TRDN: variants seen among roughly 807,000 people sequenced by gnomAD.
TRDN encodes triadin in skeletal muscle.
TRDN carries 161 observed loss-of-function variants against 149.7 expected under a neutral mutation model. The ratio of observed to expected loss-of-function variants is 1.08; its 90% CI spans 0.95 to 1.23. TRDN has a LOEUF of 1.23. Ranked by LOEUF, TRDN falls within the 50% of genes most tolerant of loss-of-function variation. The pLI is 0.00. For synonymous variants in TRDN, 294 were observed against 250.5 expected, an observed-to-expected ratio of 1.17 and a Z score of -1.64; for missense variants, 896 against 823.5, an observed-to-expected ratio of 1.09 and a Z score of -1.08.
chr6:123,434,850 T>A (rs1774487534), intron 12 of TRDN, among the ~76,000 whole-genome samples: 1 of 151,910 alleles, frequency 6.6e-6, no homozygotes, highest in African/African-American at 2.4e-5. Context: ...ATACACTAAA[T>A]AAAGGAGTGT....
At chr6:123,408,632 C>T (rs931226908) in intron 12 of TRDN, among the ~76,000 whole-genome samples, 1 of 151,050 alleles carries the variant, frequency 6.6e-6, no homozygotes, top group South Asian at 2.1e-4. Context: ...GAGCAGAGAT[C>T]GCGCCATTGC....
intron 21 of TRDN, chr6:123,351,690 C>G (rs1055853327): frequency 1.1e-6 from 1 of 938,236 alleles, no homozygotes; most frequent in Non-Finnish European, 1.3e-6. Context: ...ATCTTAACTT[C>G]TGATATTAGG....
intron 24 of TRDN, among the ~76,000 whole-genome samples, chr6:123,296,817 T>A (rs1014450647): frequency 2.0e-5 from 3 of 152,024 alleles, no homozygotes; most frequent in Admixed American, 6.6e-5. Flanking sequence ...ATGCTGAACA[T>A]CAGGGAAAGA....
chr6:123,624,453 G>C (rs1785549342), intron 1 of TRDN, among the ~76,000 whole-genome samples: 1 of 152,078 alleles, frequency 6.6e-6, no homozygotes, highest in Admixed American at 6.6e-5. Context: ...ATAACTCTCA[G>C]TCACTATGAA....
At chr6:123,630,502 C>T (rs1785931839) in intron 1 of TRDN, among the ~76,000 whole-genome samples, 1 of 151,814 alleles carries the variant, frequency 6.6e-6, no homozygotes, top group Admixed American at 6.6e-5. Context: ...ATTCCTAAGC[C>T]TTTAGTATAA....
intron 1 of TRDN, among the ~76,000 whole-genome samples, chr6:123,592,835 A>C (rs1783849513): frequency 6.6e-6 from 1 of 152,214 alleles, no homozygotes; most frequent in Non-Finnish European, 1.5e-5. Context: ...GCTCTGCAAG[A>C]TATCTGCCAT....
chr6:123,324,059 T>C (rs185274845), intron 23 of TRDN, among the ~76,000 whole-genome samples: 102 of 152,278 alleles, frequency 6.7e-4, no homozygotes, highest in African/African-American at 2.3e-3. Context: ...CTTTAAACCA[T>C]TCAATGAGTT....
intron 38 of TRDN, among the ~76,000 whole-genome samples, chr6:123,237,168 GAACT>G (rs1775815797): frequency 3.3e-5 from 2 of 60,686 alleles, no homozygotes; most frequent in Non-Finnish European, 6.5e-5. Context: ...TAGGTAACAC[GAACT>G]AATTTTTTTT....
chr6:123,545,641 A>G (rs1781075288), intron 4 of TRDN, among the ~76,000 whole-genome samples: 1 of 151,944 alleles, frequency 6.6e-6, no homozygotes, highest in Non-Finnish European at 1.5e-5. Context: ...CTGAGTATGT[A>G]ATCTTTAAGG....
chr6:123,249,018 C>T (rs1263253529), intron 38 of TRDN, among the ~76,000 whole-genome samples: 2 of 152,016 alleles, frequency 1.3e-5, no homozygotes, highest in African/African-American at 4.8e-5. Context: ...GATACTACAC[C>T]ATGACCAAGT....
intron 8 of TRDN, among the ~76,000 whole-genome samples, chr6:123,499,719 A>AAAAAAAAAAAAAAAAAAAATATAT: frequency 1.0e-4 from 5 of 47,678 alleles, no homozygotes; most frequent in Non-Finnish European, 9.0e-5. Context: ...AAAAAAAAAA[A>AAAAAAAAAAAAAAAAAAAATATAT]ATATATATAT....
chr6:123,218,725 A>G lies in TRDN; in HGVS notation c.2066T>C (p.Phe689Ser). ...PTKQKSPISF[F>S]QCVYLDGYNG... ...GTACCCATCCAAGTAGACACACTGG[A>G]AGAAACTGATGGGACCTAAGGAACA... Residue 689 changes from phenylalanine (F) to serine (S), a missense_variant, in exon 41 of 41, where the codon TTC becomes TCC. Phe to Ser is a radical substitution (Grantham distance 155). Coordinates refer to ENST00000334268, the MANE Select transcript of TRDN (RefSeq NM_006073.4). 1 of 1,576,084 alleles carries G rather than the reference A, an allele frequency of 6.3e-7. No homozygotes were observed. Among genetic ancestry groups the G allele is most frequent in the Non-Finnish European group, 8.6e-7 (1 of 1,158,372 alleles).
At chr6:123,310,510 T>G (rs1441098160) in intron 24 of TRDN, among the ~76,000 whole-genome samples, 1 of 152,038 alleles carries the variant, frequency 6.6e-6, no homozygotes, top group African/African-American at 2.4e-5. Context: ...GGTGCAGGAT[T>G]GCTATAACAA....
intron 24 of TRDN, among the ~76,000 whole-genome samples, chr6:123,289,733 C>T (rs1314249268): frequency 6.6e-6 from 1 of 152,148 alleles, no homozygotes; most frequent in Non-Finnish European, 1.5e-5. Context: ...TGAGCTGCTA[C>T]TCTCTGCCTA....
chr6:123,464,738 T>C (rs1376951487), intron 10 of TRDN, 168 bp downstream of exon 10: 1 of 1,397,564 alleles, frequency 7.2e-7, no homozygotes, highest in African/African-American at 1.4e-5. Flanking sequence ...TTTGGTTTTC[T>C]AAAAGAAGCA....
At chr6:123,585,772 G>A (rs1418055851) in intron 1 of TRDN, among the ~76,000 whole-genome samples, 2 of 152,032 alleles carry the variant, frequency 1.3e-5, no homozygotes, top group Admixed American at 6.5e-5. Context: ...GGGGGAGGAG[G>A]TTCTGGAGGA....
intron 20 of TRDN, among the ~76,000 whole-genome samples, chr6:123,360,491 T>G (rs925497886): frequency 6.6e-6 from 1 of 152,078 alleles, no homozygotes; most frequent in East Asian, 1.9e-4. Flanking sequence ...AGAGACAAAG[T>G]GATAAATGCA....
At chr6:123,582,663 G>A (rs1286404010) in intron 1 of TRDN, among the ~76,000 whole-genome samples, 1 of 152,128 alleles carries the variant, frequency 6.6e-6, no homozygotes, top group Non-Finnish European at 1.5e-5. Flanking sequence ...GTTAAGGCAG[G>A]AACCCGCGAT....
intron 20 of TRDN, among the ~76,000 whole-genome samples, chr6:123,356,660 T>C (rs893632444): frequency 1.3e-5 from 2 of 149,662 alleles, no homozygotes; most frequent in Non-Finnish European, 3.0e-5. Context: ...TTGGTGCTAA[T>C]TTTTTCTTAA....
Sources: gnomAD v4.1 joint callset for allele counts (sites outside exome capture counted in the v4.1 genomes callset) on GRCh38, gnomAD v4.1.1 for gene constraint, MANE v1.5 for transcripts, NCBI Gene and HGNC (gene_info 2026-07-23, HGNC 2026-07-21) for gene names.